The following YBX3 variants were observed in gnomAD, a reference collection of about 807,000 sequenced individuals.
YBX3 encodes Y-box binding protein 3, also known as Y-box-binding protein 3.
A neutral mutation model predicts 42.4 loss-of-function variants in YBX3; 29 were observed. That is an observed-to-expected ratio of 0.68 (90% confidence interval 0.51 to 0.93). YBX3 has a LOEUF of 0.93. YBX3 is among the 40% of genes least tolerant of loss of function. The pLI is 0.00. For synonymous variants in YBX3, 195 were observed against 189.8 expected (o/e 1.03, Z -0.22); for missense variants, 517 against 527.5 (o/e 0.98, Z 0.19).
At chr12:10,704,353 T>TA (rs1454238061) in intron 6 of YBX3, 2 of 472,040 alleles carry the variant, frequency 4.2e-6, no homozygotes, top group Non-Finnish European at 7.5e-6. Flanking sequence ...CTGACTAGAA[T>TA]ACTCATTTGC....
chr12:10,704,728 C>T (rs973789341), intron 6 of YBX3, among the ~76,000 whole-genome samples: 2 of 152,118 alleles, frequency 1.3e-5, no homozygotes, highest in African/African-American at 4.8e-5. Context: ...GCAAATCTAC[C>T]CAGCTCCCTG....
Position 10,722,765 on chromosome 12 carries a change from T to C in YBX3, c.262+85A>G, listed in dbSNP as rs1309487834. 10 of 1,190,326 alleles carry C rather than the reference T, an allele frequency of 8.4e-6. No homozygotes were observed. In the Admixed American group the frequency reaches 2.6e-4, roughly 31 times the overall value. The allele number at this position is 1,190,326 out of a possible 1,614,324, so 73.7% of individuals were successfully genotyped here. A position where few individuals can be genotyped will look rare whatever the true frequency, so the allele number is the denominator to read the frequency against. ...CAGCGTCTCCAGCCCGGGTGGGAGATGTAGCGCGAGCTGCCCACACGTGCT... is the reference window on the plus strand; with the variant it reads ...CAGCGTCTCCAGCCCGGGTGGGAGACGTAGCGCGAGCTGCCCACACGTGCT... On this transcript the variant is annotated intron_variant, in intron 1 of 9. Transcript: ENST00000228251.
chr12:10,720,768 GATAA>G (rs1288207151), intron 1 of YBX3: 1 of 152,108 alleles, frequency 6.6e-6, no homozygotes, highest in Non-Finnish European at 1.5e-5. Context: ...GGAAAAAGAT[GATAA>G]ATAATTCTCA....
intron 6 of YBX3, among the ~76,000 whole-genome samples, chr12:10,707,450 A>G (rs772158302): frequency 3.9e-5 from 6 of 152,212 alleles, no homozygotes; most frequent in Non-Finnish European, 7.3e-5. Flanking sequence ...TCAATCCATC[A>G]TGAAATGCCA....
At chr12:10,710,412 G>C (rs566492612) in intron 5 of YBX3, 18 of 1,306,504 alleles carry the variant, frequency 1.4e-5, no homozygotes, top group African/African-American at 3.0e-5. Flanking sequence ...CCAACCACCC[G>C]AAGAGTATCT....
intron 3 of YBX3, among the ~76,000 whole-genome samples, chr12:10,716,794 G>A (rs913573487): frequency 2.6e-5 from 4 of 152,138 alleles, no homozygotes; most frequent in South Asian, 2.1e-4. Context: ...GGACAGGCAC[G>A]CAGCATGAAC....
intron 6 of YBX3, among the ~76,000 whole-genome samples, chr12:10,706,490 A>G (rs894320065): frequency 6.6e-6 from 1 of 152,180 alleles, no homozygotes; most frequent in African/African-American, 2.4e-5. Flanking sequence ...TACCAAATCT[A>G]ATAATCAATT....
rs919090043 is a variant in YBX3 at position 10,710,576 on chromosome 12, G to A, written c.574-462C>T. ...TATTCTTCCTACAAGTCTGTAAAGTGTGGATGGGATTTCTGAAAACTTCCA... is the reference window on the plus strand; with the variant it reads ...TATTCTTCCTACAAGTCTGTAAAGTATGGATGGGATTTCTGAAAACTTCCA... On this transcript the variant is annotated intron_variant, in intron 5 of 9. Transcript: ENST00000228251. 3.9e-5 allele frequency: 49 copies of A among 1,248,194 alleles called. No individual in the cohort carries two copies. The African/African-American group carries it at 7.5e-4, about 19-fold the overall frequency. The allele number at this position is 1,248,194 out of a possible 1,614,324, so 77.3% of individuals were successfully genotyped here. A position where few individuals can be genotyped will look rare whatever the true frequency, so the allele number is the denominator to read the frequency against.
rs762945195 is a variant in YBX3 at position 10,722,853 on chromosome 12, G to T, written c.259C>A (p.Leu87Ile). ...TGCCCTCCCTGGCCTGACTCACCGA[G>T]AACTTTTTTCTCCGCGTCTTCGCTG... is the stretch of plus-strand genomic sequence containing the variant. ...AGSEDAEKKVLATKVLGTVKW... is the reference protein window; with the variant it reads ...AGSEDAEKKVIATKVLGTVKW... Residue 87 changes from leucine to isoleucine, a missense_variant, in exon 1 of 10, where the codon CTC (leucine) becomes ATC (isoleucine). This residue lies in a region of YBX3 where 420 missense variants were observed against 408.5 expected (regional missense o/e 1.03). Coordinates refer to ENST00000228251, the MANE Select transcript of YBX3 (RefSeq NM_003651.5). The T allele has an allele frequency of 2.7e-6, 4 of 1,493,450 alleles. No individual in the cohort carries two copies. The highest frequency in any genetic ancestry group is 1.5e-5 in the African/African-American group (1 of 68,934). 92.5% of individuals were successfully genotyped at this position (1,493,450 alleles called of 1,614,324 possible).
chr12:10,710,359 C>T (rs1264693334), intron 5 of YBX3: 5 of 1,408,818 alleles, frequency 3.5e-6, no homozygotes, highest in Non-Finnish European at 4.6e-6. Context: ...AATCAATCTA[C>T]AATCAATTTA....
At chr12:10,709,183 C>T (rs1051080511) in intron 6 of YBX3, among the ~76,000 whole-genome samples, 4 of 152,074 alleles carry the variant, frequency 2.6e-5, no homozygotes, top group African/African-American at 4.8e-5. Context: ...AAAAAAGAAA[C>T]CCCAACGACA....
At chr12:10,703,817 C>A in intron 7 of YBX3, 1 of 475,422 alleles carries the variant, frequency 2.1e-6, no homozygotes, top group Non-Finnish European at 3.8e-6. Flanking sequence ...TATTAATTTA[C>A]ATCTTATTAT....
At chr12:10,700,343 A>T (rs1284313888) in intron 9 of YBX3, among the ~76,000 whole-genome samples, 2 of 152,178 alleles carry the variant, frequency 1.3e-5, no homozygotes, top group African/African-American at 4.8e-5. Flanking sequence ...AAATTTTAAC[A>T]ATTTTTGAAA....
intron 5 of YBX3, 164 bp from the exon 6 acceptor site, chr12:10,710,278 C>T (rs919309703): frequency 4.0e-6 from 6 of 1,498,660 alleles, no homozygotes; most frequent in Non-Finnish European, 5.3e-6. Context: ...ATGTGATTGC[C>T]TGGGATAAAC....
chr12:10,701,210 A>G, intron 9 of YBX3, 44 bp downstream of exon 9: 3 of 754,432 alleles, frequency 4.0e-6, no homozygotes, highest in Non-Finnish European at 7.3e-6. Context: ...CAGTGATACT[A>G]AAAAGAAAAT....
At position 10,713,341 on chromosome 12, in the gene YBX3, G is replaced by T. The variant is rs778592482; in HGVS notation, c.451-8C>A. ...ATTGGCAGCTTCTGCACCCTGAGAA[G>T]AAAATAAAAAGATGGCCTCAAAATT... On this transcript the variant is annotated splice_polypyrimidine_tract_variant and splice_region_variant and intron_variant, in intron 4 of 9. Coordinates refer to ENST00000228251, the MANE Select transcript of YBX3 (RefSeq NM_003651.5). The T allele has an allele frequency of 6.2e-7, 1 of 1,608,096 alleles. No individual in the cohort carries two copies.
At chr12:10,703,981 C>T in intron 7 of YBX3, 70 bp downstream of exon 7, 5 of 1,442,990 alleles carry the variant, frequency 3.5e-6, no homozygotes, top group Non-Finnish European at 4.9e-6. Context: ...AAAACGGAAC[C>T]ACACAGTCCT....
Position 10,715,731 on chromosome 12 carries a change from C to A in YBX3, c.413G>T (p.Gly138Val). 6.2e-7 allele frequency: 1 copy of A among 1,614,088 alleles called. No homozygotes were observed. The highest frequency in any genetic ancestry group is 1.1e-5 in the South Asian group (1 of 91,072). Residue 138 changes from glycine (G) to valine (V), a missense_variant, in exon 4 of 10, where the codon GGA becomes GTA. By Grantham distance (109) the Gly-to-Val change is moderately radical. This residue lies in a region of YBX3 where 420 missense variants were observed against 408.5 expected (regional missense o/e 1.03). Coordinates refer to ENST00000228251, the MANE Select transcript of YBX3 (RefSeq NM_003651.5). Reference sequence around the variant, plus strand: ...AACCACATCAAACTCTACAGTTTCTCCATCTCCTACACTGCGCAGATATTT... The same window carrying A: ...AACCACATCAAACTCTACAGTTTCTACATCTCCTACACTGCGCAGATATTT... ...PRKYLRSVGD[G>V]ETVEFDVVEG...
rs1948173062 is a variant in YBX3 at position 10,709,428 on chromosome 12, T to G, written c.780+480A>C. Among the ~76,000 whole-genome samples, 4 of 152,240 alleles carry G rather than the reference T, an allele frequency of 2.6e-5. No individual in the cohort carries two copies. The South Asian group carries it at 8.3e-4, about 31-fold the overall frequency. ...TCATTTAAAACCAATACTTTAAAAA[T>G]GTTATTTATGCTGCAGGCATCTCTT... On this transcript the variant is annotated intron_variant, in intron 6 of 9. Transcript: ENST00000228251.
Sources: allele counts gnomAD v4.1 joint callset (sites outside exome capture counted in the v4.1 genomes callset), GRCh38; gene constraint gnomAD v4.1.1; regional missense constraint gnomAD v4.1.1; transcripts MANE v1.5; gene names NCBI Gene and HGNC (gene_info 2026-07-23, HGNC 2026-07-21).